The following PCMT1 variants were observed in gnomAD, a reference collection of about 807,000 sequenced individuals.
The protein encoded by PCMT1 is protein-L-isoaspartate(D-aspartate) O-methyltransferase.
In PCMT1, 9 loss-of-function variants were observed where a neutral mutation model predicts 29.2. The ratio of observed to expected loss-of-function variants is 0.31; its 90% confidence interval spans 0.19 to 0.54. The LOEUF is 0.54. Ranked by LOEUF, PCMT1 falls within the 20% of genes least tolerant of loss-of-function variation. The probability of loss-of-function intolerance (pLI) is 0.95; values close to 1 mark genes in which losing one functional copy is unlikely to be tolerated. For missense variants in PCMT1, 184 were observed against 282.2 expected, an observed-to-expected ratio of 0.65 and a Z score of 2.49; for synonymous variants, 98 against 97.5, an observed-to-expected ratio of 1.00 and a Z score of -0.03.
At chr6:149,752,510 A>G (rs1786363444) in intron 1 of PCMT1, among the ~76,000 whole-genome samples, 1 of 152,016 alleles carries the variant, frequency 6.6e-6, no homozygotes, top group Admixed American at 6.6e-5. Context: ...AGATGTCAAT[A>G]TTTTGTCAAG....
chr6:149,805,765 A>G (rs1455720650), intron 7 of PCMT1, among the ~76,000 whole-genome samples: 2 of 149,916 alleles, frequency 1.3e-5, no homozygotes, highest in Non-Finnish European at 3.0e-5. Flanking sequence ...GTGAAACTCC[A>G]TCTCTACTAA....
intron 6 of PCMT1, among the ~76,000 whole-genome samples, chr6:149,800,668 A>G (rs908729067): frequency 5.3e-5 from 8 of 152,192 alleles, no homozygotes; most frequent in Non-Finnish European, 7.3e-5. Flanking sequence ...CTAACACTGC[A>G]GGGACTCCAG....
intron 1 of PCMT1, among the ~76,000 whole-genome samples, chr6:149,752,537 T>C (rs1036329673): frequency 3.3e-5 from 5 of 152,186 alleles, no homozygotes; most frequent in African/African-American, 9.7e-5. Flanking sequence ...CAGGTTCATT[T>C]TATGGAATGA....
At chr6:149,773,012 C>G in intron 2 of PCMT1, 126 bp from the exon 3 acceptor site, 1 of 692,176 alleles carries the variant, frequency 1.4e-6, no homozygotes, top group Non-Finnish European at 2.3e-6. Context: ...GTGAGACTGT[C>G]TCAGAAAAAA....
chr6:149,802,480 C>T, intron 7 of PCMT1, 64 bp downstream of exon 7: 2 of 1,371,248 alleles, frequency 1.5e-6, no homozygotes, highest in East Asian at 5.1e-5. Flanking sequence ...CACCTTTATG[C>T]TCCTCCATTA....
chr6:149,778,593 A>C (rs1184899723), intron 3 of PCMT1, among the ~76,000 whole-genome samples: 1 of 152,056 alleles, frequency 6.6e-6, no homozygotes, highest in South Asian at 2.1e-4. Flanking sequence ...GCTGGAGTAC[A>C]GAAGCATGAT....
At position 149,749,824 on chromosome 6, in the gene PCMT1, G is replaced by GTCTC; in HGVS notation, c.-77_-74dup. On this transcript the variant is annotated 5_prime_UTR_variant, in exon 1 of 8. Transcript: ENST00000464889. Reference sequence around the variant, plus strand: ...CGGGGCGGTGACGGTGTGGGAGGTGGTCTCACTCTTGGGAAAACTGCTGGG... The same window carrying GTCTC: ...CGGGGCGGTGACGGTGTGGGAGGTGGTCTCTCTCACTCTTGGGAAAACTGCTGGG... The GTCTC allele has an allele frequency of 1.9e-6, 3 of 1,560,458 alleles. No individual in the cohort carries two copies. Among genetic ancestry groups the GTCTC allele is most frequent in the Non-Finnish European group, 2.6e-6 (3 of 1,151,678 alleles).
chr6:149,799,464 A>C (rs971586269), intron 6 of PCMT1, among the ~76,000 whole-genome samples: 1 of 152,220 alleles, frequency 6.6e-6, no homozygotes, highest in Non-Finnish European at 1.5e-5. Context: ...CCAACCTCGA[A>C]TTCTGTATGC....
Position 149,802,180 on chromosome 6 carries a change from CTTTT to C in PCMT1, c.505-11_505-8del. 3 of 1,265,676 alleles carry C rather than the reference CTTTT, an allele frequency of 2.4e-6. No homozygotes were observed. The highest frequency in any genetic ancestry group is 3.2e-6 in the Non-Finnish European group (3 of 929,078). The allele number at this position is 1,265,676 out of a possible 1,614,324, so 78.4% of individuals were successfully genotyped here. A position where few individuals can be genotyped will look rare whatever the true frequency, so the allele number is the denominator to read the frequency against. On this transcript the variant is annotated splice_polypyrimidine_tract_variant and intron_variant, in intron 6 of 7. Transcript: ENST00000464889. ...AATCTGTAACTTGGTGATGTATGTG[CTTTT>C]TTTTTTTTCTTTTAGCTAATAGATC... is the stretch of plus-strand genomic sequence containing the variant.
At position 149,810,607 on chromosome 6, in the gene PCMT1, T is replaced by A. The variant is rs1776134469; in HGVS notation, c.*38-9T>A. On this transcript the variant is annotated splice_polypyrimidine_tract_variant and intron_variant, in intron 7 of 7. Transcript: ENST00000464889. ...CCTACTAATGTATTTCTCTCTTTTT[T>A]CCTCACAGGGATGAATTGTAAAAGC... 6.5e-7 allele frequency: 1 copy of A among 1,547,404 alleles called. No homozygotes were observed. Among genetic ancestry groups the A allele is most frequent in the Admixed American group, 2.0e-5 (1 of 50,914 alleles).
chr6:149,795,519 C>T, intron 5 of PCMT1: 1 of 438,122 alleles, frequency 2.3e-6, no homozygotes, highest in Admixed American at 2.9e-5. Context: ...CAGCCAAATA[C>T]AGTGTTGGGC....
chr6:149,808,191 T>C (rs540079343), intron 7 of PCMT1, among the ~76,000 whole-genome samples: 2 of 152,012 alleles, frequency 1.3e-5, no homozygotes, highest in South Asian at 4.1e-4. Context: ...AATTAAATTA[T>C]GTATAATTAT....
In PCMT1 at chr6:149,763,123, CTA is replaced by C. The variant is rs1786905900; in HGVS notation, c.56-8037_56-8036del. On this transcript the variant is annotated intron_variant, in intron 1 of 7. Transcript: ENST00000464889. ...ATATATATATCTATGATATGTATAT[CTA>C]TGATATATATGATATATATATCTAT... Among the ~76,000 whole-genome samples, 2 of 60,180 alleles carry C rather than the reference CTA, an allele frequency of 3.3e-5. 1 individual carries two copies. The highest frequency in any genetic ancestry group is 3.4e-4 in the African/African-American group (2 of 5,854). The allele number at this position is 60,180 out of a possible 152,430, so 39.5% of individuals were successfully genotyped here. A position where few individuals can be genotyped will look rare whatever the true frequency, so the allele number is the denominator to read the frequency against.
chr6:149,804,398 G>A (rs530177768), intron 7 of PCMT1, among the ~76,000 whole-genome samples: 15 of 152,174 alleles, frequency 9.9e-5, no homozygotes, highest in Non-Finnish European at 1.5e-4. Flanking sequence ...TTATAAAAAG[G>A]GAATTTTGTT....
chr6:149,752,036 GTTTTTTTT>G (rs60405304), intron 1 of PCMT1, among the ~76,000 whole-genome samples: 1 of 122,802 alleles, frequency 8.1e-6, no homozygotes, highest in East Asian at 2.6e-4. Context: ...AATTTTTAGG[GTTTTTTTT>G]TTTTTTTTGG....
At chr6:149,789,269 A>G (rs901796502) in intron 3 of PCMT1, among the ~76,000 whole-genome samples, 1 of 151,800 alleles carries the variant, frequency 6.6e-6, no homozygotes, top group Admixed American at 6.6e-5. Flanking sequence ...GTAGAGATGG[A>G]GTTTCACCAT....
intron 7 of PCMT1, among the ~76,000 whole-genome samples, chr6:149,804,334 AAT>A (rs1775944466): frequency 6.6e-6 from 1 of 151,998 alleles, no homozygotes; most frequent in Non-Finnish European, 1.5e-5. Flanking sequence ...ATATACAATA[AAT>A]ATTAGTGTTG....
chr6:149,810,624 T>A lies in PCMT1; in HGVS notation c.*46T>A, dbSNP rs1351613196. 5 of 1,547,918 alleles carry A rather than the reference T, an allele frequency of 3.2e-6. No individual in the cohort carries two copies. In the South Asian group the frequency reaches 6.0e-5, roughly 18 times the overall value. ...CTCTTTTTTCCTCACAGGGATGAAT[T>A]GTAAAAGCAACATCAGCTTGACCAG... On this transcript the variant is annotated 3_prime_UTR_variant, in exon 8 of 8. Transcript: ENST00000464889.
intron 3 of PCMT1, among the ~76,000 whole-genome samples, chr6:149,786,377 A>C (rs1317195953): frequency 1.2e-4 from 8 of 67,800 alleles, no homozygotes; most frequent in African/African-American, 2.6e-4. Context: ...TGACCCCCCC[A>C]CCTCCCTCCC....
Sources: gnomAD v4.1 joint callset for allele counts (sites outside exome capture counted in the v4.1 genomes callset) on GRCh38, gnomAD v4.1.1 for gene constraint, MANE v1.5 for transcripts, NCBI Gene and HGNC (gene_info 2026-07-23, HGNC 2026-07-21) for gene names.